RGS6: variants seen among roughly 807,000 people sequenced by gnomAD.
RGS6 encodes regulator of G-protein signaling 6.
RGS6 carries 30 observed loss-of-function variants against 78.5 expected under a neutral mutation model. That is an observed-to-expected ratio of 0.38 (90% confidence interval 0.29 to 0.52). The LOEUF (loss-of-function observed/expected upper bound fraction) is 0.52. RGS6 is among the 20% of genes least tolerant of loss of function. The pLI, the probability that RGS6 is intolerant of heterozygous loss-of-function variation, is 0.85. For synonymous variants in RGS6, 206 were observed against 206.0 expected (o/e 1.00, Z 0.00); for missense variants, 495 against 609.7 (o/e 0.81, Z 1.98).
At chr14:71,992,019 T>G (rs1198892810) in intron 2 of RGS6, among the ~76,000 whole-genome samples, 1 of 93,352 alleles carries the variant, frequency 1.1e-5, no homozygotes, top group Non-Finnish European at 1.9e-5. Context: ...TTGTCTAGAA[T>G]ATCTTTTTTT....
chr14:72,540,528 C>G, intron 17 of RGS6: 2 of 1,578,346 alleles, frequency 1.3e-6, no homozygotes, highest in Non-Finnish European at 1.7e-6. Flanking sequence ...CTCTGTGAAC[C>G]CTGGCAGTCA....
At position 72,356,648 on chromosome 14, in the gene RGS6, G is replaced by C. The variant is rs185647511; in HGVS notation, c.184+4454G>C. 2.7e-4 allele frequency among the ~76,000 whole-genome samples: 41 copies of C among 152,316 alleles called. 1 individual carries two copies. The East Asian group carries it at 6.2e-3, about 23-fold the overall frequency. ...TTCCCACATATCATGGAAGGGACCT[G>C]GTGGGAGGTAATTGAATCATGGGGG... On this transcript the variant is annotated intron_variant, in intron 3 of 17. Coordinates refer to ENST00000553525, the MANE Select transcript of RGS6 (RefSeq NM_001204424.2).
intron 2 of RGS6, among the ~76,000 whole-genome samples, chr14:71,999,998 T>C (rs758631731): frequency 6.6e-6 from 1 of 152,236 alleles, no homozygotes; most frequent in Non-Finnish European, 1.5e-5. Flanking sequence ...GAAACTCATC[T>C]GAACATTGTG....
At chr14:72,476,275 G>A (rs1877660484) in intron 10 of RGS6, among the ~76,000 whole-genome samples, 1 of 152,234 alleles carries the variant, frequency 6.6e-6, no homozygotes, top group African/African-American at 2.4e-5. Context: ...CAACGGAAAT[G>A]TAGAGGGGAT....
At chr14:71,886,385 A>C in the RGS6 span, among the ~76,000 whole-genome samples, 4 of 152,334 alleles carry the variant, frequency 2.6e-5, no homozygotes, top group South Asian at 8.3e-4. Flanking sequence ...TGCACATTGC[A>C]CAGTAGGCAA....
intron 2 of RGS6, among the ~76,000 whole-genome samples, chr14:72,261,922 T>C (rs1287989761): frequency 1.3e-5 from 2 of 152,226 alleles, no homozygotes; most frequent in Non-Finnish European, 2.9e-5. Context: ...ACCTAATATT[T>C]AAAAATTATG....
At chr14:72,472,171 A>C (rs1566929496) in intron 8 of RGS6, among the ~76,000 whole-genome samples, 1 of 74,800 alleles carries the variant, frequency 1.3e-5, no homozygotes, top group African/African-American at 5.4e-5. Context: ...TGCTTTTTTA[A>C]GAAAAAAAAA....
At position 72,459,657 on chromosome 14, in the gene RGS6, G is replaced by T; in HGVS notation, c.368G>T (p.Cys123Phe). 6.2e-7 allele frequency: 1 copy of T among 1,614,116 alleles called. No homozygotes were observed. The highest frequency in any genetic ancestry group is 1.1e-5 in the South Asian group (1 of 91,074). ...FQAPYFWPSN[C>F]WEPENTDYAI... Reference sequence around the variant, plus strand: ...GCTCCGTACTTCTGGCCTTCGAACTGCTGGGAACCTGAAAACACTGACTAT... The same window carrying T: ...GCTCCGTACTTCTGGCCTTCGAACTTCTGGGAACCTGAAAACACTGACTAT... Residue 123 changes from cysteine to phenylalanine, a missense_variant, in exon 6 of 18, where the codon TGC (cysteine) becomes TTC (phenylalanine). Transcript: ENST00000553525.
chr14:72,276,788 A>G (rs2060740660), intron 2 of RGS6, among the ~76,000 whole-genome samples: 1 of 152,178 alleles, frequency 6.6e-6, no homozygotes, highest in South Asian at 2.1e-4. Flanking sequence ...TGAGTCAATC[A>G]AAACTCTTTT....
intron 3 of RGS6, among the ~76,000 whole-genome samples, chr14:72,388,757 A>G (rs1010121696): frequency 6.6e-6 from 1 of 152,072 alleles, no homozygotes; most frequent in Admixed American, 6.5e-5. Context: ...TCTACTCACT[A>G]TGGGCTCTGT....
chr14:72,266,857 C>T (rs1171296045), intron 2 of RGS6, among the ~76,000 whole-genome samples: 1 of 152,172 alleles, frequency 6.6e-6, no homozygotes. Context: ...TGGGTGAGGG[C>T]AAGTTTATCC....
At chr14:72,123,881 C>T (rs528537425) in intron 2 of RGS6, among the ~76,000 whole-genome samples, 1 of 152,316 alleles carries the variant, frequency 6.6e-6, no homozygotes, top group Non-Finnish European at 1.5e-5. Context: ...TTGACTGTAT[C>T]ACAGCTGTTC....
chr14:72,615,824 T>C, the RGS6 span, among the ~76,000 whole-genome samples: 4 of 152,238 alleles, frequency 2.6e-5, no homozygotes, highest in African/African-American at 9.6e-5. Flanking sequence ...CACATAATGT[T>C]GCCTGCACTG....
intron 13 of RGS6, 44 bp downstream of exon 13, chr14:72,495,306 A>G (rs768585326): frequency 1.7e-6 from 2 of 1,187,580 alleles, no homozygotes; most frequent in Non-Finnish European, 2.5e-6. Context: ...AATGTAGACA[A>G]AAATCCATGA....
intron 2 of RGS6, among the ~76,000 whole-genome samples, chr14:72,019,680 T>C (rs754411147): frequency 6.6e-6 from 1 of 152,246 alleles, no homozygotes; most frequent in Non-Finnish European, 1.5e-5. Context: ...ATATTCTCTC[T>C]AGATTTATTT....
At chr14:72,103,582 AAAG>A (rs1430746164) in intron 2 of RGS6, among the ~76,000 whole-genome samples, 1 of 152,222 alleles carries the variant, frequency 6.6e-6, no homozygotes, top group Non-Finnish European at 1.5e-5. Flanking sequence ...TAATGGCAGG[AAAG>A]AAAACCTTTT....
chr14:72,434,120 G>C (rs186235159), intron 3 of RGS6, among the ~76,000 whole-genome samples: 6 of 152,256 alleles, frequency 3.9e-5, no homozygotes, highest in Middle Eastern at 3.4e-3. Context: ...AGGATCTCTT[G>C]AGCCCAGGAG....
chr14:71,873,648 T>C, the RGS6 span, among the ~76,000 whole-genome samples: 1 of 152,228 alleles, frequency 6.6e-6, no homozygotes. Flanking sequence ...TTAGTTTAAT[T>C]AGATCCCATT....
intron 2 of RGS6, among the ~76,000 whole-genome samples, chr14:72,305,979 C>A (rs1216966856): frequency 6.6e-6 from 1 of 152,148 alleles, no homozygotes; most frequent in Non-Finnish European, 1.5e-5. Flanking sequence ...GATAAGAAAG[C>A]AAAACAGCCT....
Sources: allele counts gnomAD v4.1 joint callset (sites outside exome capture counted in the v4.1 genomes callset), GRCh38; gene constraint gnomAD v4.1.1; transcripts MANE v1.5; gene names NCBI Gene and HGNC (gene_info 2026-07-23, HGNC 2026-07-21).